Variants in UBE3C observed in about 807,000 individuals in gnomAD.
UBE3C encodes the protein ubiquitin-protein ligase E3C.
Under a neutral mutation model 129.4 loss-of-function variants are expected in UBE3C, and 42 were observed. That is an observed-to-expected ratio of 0.32 (90% CI 0.25 to 0.42). The LOEUF is 0.42. Among genes scored for constraint, UBE3C ranks in the 10% least tolerant of loss-of-function variants. The pLI is 1.00. For missense variants in UBE3C, 1,049 were observed against 1,319.1 expected (o/e 0.80, Z 3.17); for synonymous variants, 510 against 492.4 (o/e 1.04, Z -0.47).
In UBE3C at chr7:157,168,462, A is replaced by T. The variant is rs112952641; in HGVS notation, c.121-586A>T. ...AGGTTTATGCTCAAGAGAAATGAAA[A>T]CCTGTATCCACAACAAAACTTATAT... On this transcript the variant is annotated intron_variant, in intron 2 of 22. Transcript: ENST00000348165. Among the ~76,000 whole-genome samples the T allele has an allele frequency of 9.4e-3, 1,430 of 152,262 alleles. 15 individuals carry two copies. Among genetic ancestry groups the T allele is most frequent in the African/African-American group, 0.033 (1,365 of 41,548 alleles).
chr7:157,219,968 T>C (rs1020459417), intron 14 of UBE3C, among the ~76,000 whole-genome samples: 9 of 151,574 alleles, frequency 5.9e-5, no homozygotes, highest in Non-Finnish European at 1.3e-4. Context: ...CCGGGCACTT[T>C]GGGATGCTGA....
At chr7:157,231,868 A>G (rs1383082737) in intron 18 of UBE3C, 2 of 153,246 alleles carry the variant, frequency 1.3e-5, no homozygotes, top group Non-Finnish European at 2.9e-5. Flanking sequence ...GTTACTGCCT[A>G]GTGACTATTA....
chr7:157,251,184 T>C (rs1317359031), intron 19 of UBE3C, among the ~76,000 whole-genome samples: 1 of 152,218 alleles, frequency 6.6e-6, no homozygotes, highest in Non-Finnish European at 1.5e-5. Context: ...CTTACAAGTT[T>C]TTAAGTTTAT....
At chr7:157,258,193 C>T (rs77723195) in intron 22 of UBE3C, among the ~76,000 whole-genome samples, 1,717 of 152,208 alleles carry the variant, frequency 0.011, 35 homozygotes, top group African/African-American at 0.039. Flanking sequence ...GAAATCCTCT[C>T]ACTTCAGCCT....
chr7:157,177,948 A>ATTTT, intron 5 of UBE3C, among the ~76,000 whole-genome samples: 3 of 136,642 alleles, frequency 2.2e-5, no homozygotes, highest in African/African-American at 6.6e-5. Flanking sequence ...TTTTTTTAAG[A>ATTTT]AAAAGGAAAA....
chr7:157,267,019 G>A (rs948894127), intron 22 of UBE3C, among the ~76,000 whole-genome samples: 1 of 152,164 alleles, frequency 6.6e-6, no homozygotes, highest in Non-Finnish European at 1.5e-5. Flanking sequence ...GGGACTACAG[G>A]TGTGAGCTAT....
intron 3 of UBE3C, among the ~76,000 whole-genome samples, chr7:157,169,627 T>G (rs1808311886): frequency 6.6e-6 from 1 of 152,122 alleles, no homozygotes; most frequent in African/African-American, 2.4e-5. Flanking sequence ...TCGCCTGCCT[T>G]GGCCTCCCAA....
intron 18 of UBE3C, among the ~76,000 whole-genome samples, chr7:157,232,472 C>T (rs1426982949): frequency 1.3e-5 from 2 of 152,184 alleles, no homozygotes; most frequent in East Asian, 1.9e-4. Flanking sequence ...GATTGTCCTG[C>T]ATCAGCCTCC....
intron 1 of UBE3C, among the ~76,000 whole-genome samples, chr7:157,145,980 T>G (rs1250512557): frequency 6.6e-6 from 1 of 152,218 alleles, no homozygotes; most frequent in Non-Finnish European, 1.5e-5. Flanking sequence ...GTCTAAAAAG[T>G]CATTACCAAA....
chr7:157,224,686 T>C (rs11977140), intron 16 of UBE3C, among the ~76,000 whole-genome samples: 1,551 of 151,476 alleles, frequency 0.01, 25 homozygotes, highest in African/African-American at 0.035. Flanking sequence ...GTGTATTTTT[T>C]AGGCCTATAC....
At chr7:157,230,295 C>G (rs1795987593) in intron 17 of UBE3C, among the ~76,000 whole-genome samples, 1 of 151,852 alleles carries the variant, frequency 6.6e-6, no homozygotes. Flanking sequence ...TCACGTAGAT[C>G]AGGGTTGTCC....
At chr7:157,241,045 G>A (rs970719788) in intron 18 of UBE3C, among the ~76,000 whole-genome samples, 4 of 152,140 alleles carry the variant, frequency 2.6e-5, no homozygotes, top group African/African-American at 9.7e-5. Flanking sequence ...TTTAGCGGGA[G>A]GGAAGGGAAG....
chr7:157,254,917 A>ACACCTGCAGTCCCG (rs1796709068), intron 21 of UBE3C, among the ~76,000 whole-genome samples: 3 of 120,752 alleles, frequency 2.5e-5, no homozygotes, highest in Non-Finnish European at 5.9e-5. Flanking sequence ...CTGCAGTCCC[A>ACACCTGCAGTCCCG]GCGTGGTGGC....
intron 1 of UBE3C, among the ~76,000 whole-genome samples, chr7:157,146,482 A>G (rs1189641573): frequency 2.6e-5 from 4 of 151,788 alleles, no homozygotes; most frequent in Admixed American, 2.0e-4. Context: ...GGGCGTCCCA[A>G]AGTGCTGGGA....
chr7:157,182,871 C>T (rs1463197150), intron 8 of UBE3C, among the ~76,000 whole-genome samples: 1 of 152,082 alleles, frequency 6.6e-6, no homozygotes, highest in Non-Finnish European at 1.5e-5. Context: ...GCCTCAGCCT[C>T]CTGAGTAGCT....
intron 10 of UBE3C, among the ~76,000 whole-genome samples, chr7:157,196,706 C>T (rs1170060527): frequency 2.0e-5 from 3 of 152,114 alleles, no homozygotes; most frequent in African/African-American, 7.2e-5. Flanking sequence ...CAGTGGCTCA[C>T]GCCTATAATC....
In UBE3C at chr7:157,229,782, T is replaced by A. The variant is rs1176638; in HGVS notation, c.2234-1298T>A. Among the ~76,000 whole-genome samples the A allele has an allele frequency of 7.3e-3, 1,104 of 152,250 alleles. 17 individuals carry two copies. The highest frequency in any genetic ancestry group is 0.027 in the Admixed American group (415 of 15,302). On this transcript the variant is annotated intron_variant, in intron 17 of 22. Coordinates refer to ENST00000348165, the MANE Select transcript of UBE3C (RefSeq NM_014671.3). ...GGCACATACCACCATGCCCAGCTTT[T>A]CTTATATTTTGTAGAGACAGGGTCT... is the stretch of plus-strand genomic sequence containing the variant.
intron 17 of UBE3C, among the ~76,000 whole-genome samples, chr7:157,228,100 C>T (rs987797098): frequency 3.9e-5 from 6 of 152,214 alleles, no homozygotes; most frequent in African/African-American, 1.2e-4. Context: ...GATTATTCCA[C>T]GTGTCATCTA....
intron 17 of UBE3C, among the ~76,000 whole-genome samples, chr7:157,226,660 C>T (rs914620043): frequency 7.9e-5 from 12 of 151,180 alleles, no homozygotes; most frequent in Non-Finnish European, 5.9e-5. Context: ...CTAATTTTAT[C>T]ATAATGTTGG....
Sources: gnomAD v4.1 joint callset for allele counts (sites outside exome capture counted in the v4.1 genomes callset) on GRCh38, gnomAD v4.1.1 for gene constraint, MANE v1.5 for transcripts, NCBI Gene and HGNC (gene_info 2026-07-23, HGNC 2026-07-21) for gene names.